The following DIS3L variants were observed in gnomAD, a reference collection of about 807,000 sequenced individuals.
DIS3L encodes the protein DIS3-like exonuclease 1.
DIS3L carries 100 observed loss-of-function variants against 120.3 expected under a neutral mutation model. The observed-to-expected ratio is 0.83, with a 90% CI of 0.71 to 0.98. The LOEUF is 0.98. Ranked by LOEUF, DIS3L falls within the 50% of genes least tolerant of loss-of-function variation. The pLI is 0.00. For synonymous variants in DIS3L, 426 were observed against 470.6 expected (o/e 0.91, Z 1.23); for missense variants, 1,196 against 1,314.2 (o/e 0.91, Z 1.39).
chr15:66,327,812 A>C (rs2092954618), intron 12 of DIS3L, among the ~76,000 whole-genome samples: 1 of 152,202 alleles, frequency 6.6e-6, no homozygotes, highest in Non-Finnish European at 1.5e-5. Flanking sequence ...CTGTAATCCT[A>C]GCACTTTGGG....
chr15:66,333,663 A>G lies in DIS3L; in HGVS notation c.*351A>G. The G allele has an allele frequency of 6.8e-6, 1 of 147,280 alleles. No individual in the cohort carries two copies. Among genetic ancestry groups the G allele is most frequent in the Non-Finnish European group, 1.4e-5 (1 of 71,388 alleles). 9.1% of individuals were successfully genotyped at this position (147,280 alleles called of 1,614,324 possible). A position where few individuals can be genotyped will look rare whatever the true frequency, so the allele number is the denominator to read the frequency against. On this transcript the variant is annotated 3_prime_UTR_variant, in exon 17 of 17. Transcript: ENST00000319212. ...AGAATTGCCTGAACCCAGGAAGAGG[A>G]GGTTGCAGTGAGCCGAGATCGCACC...
Position 66,296,821 on chromosome 15 carries a change from C to G in DIS3L, c.293+1680C>G, listed in dbSNP as rs556842837. 3.3e-5 allele frequency among the ~76,000 whole-genome samples: 5 copies of G among 152,276 alleles called. No homozygotes were observed. The South Asian group carries it at 1.0e-3, about 32-fold the overall frequency. ...ACAGGCATGAGCCACTGTGCCCGGC[C>G]CAAAATCAGTCTTAGTCCCTCTAAC... On this transcript the variant is annotated intron_variant, in intron 2 of 16. Transcript: ENST00000319212.
At position 66,333,241 on chromosome 15, in the gene DIS3L, A is replaced by T; in HGVS notation, c.3094A>T (p.Ser1032Cys). ...AGAATATCGCCAAACAAAGGGAAGG[A>T]GCCTATACACACTTCTAGAGGAGAT... ...YQEYRQTKGR[S>C]LYTLLEEIRD... is the part of the protein sequence containing the mutation. Residue 1032 changes from serine (S) to cysteine (C), a missense_variant, in exon 17 of 17, where the codon AGC (serine) becomes TGC (cysteine). Physicochemically the swap from Ser to Cys is moderately radical, Grantham distance 112 (BLOSUM62 -1). Transcript: ENST00000319212. 6.2e-7 allele frequency: 1 copy of T among 1,614,136 alleles called. No homozygotes were observed. The highest frequency in any genetic ancestry group is 8.5e-7 in the Non-Finnish European group (1 of 1,180,032).
At chr15:66,314,908 C>A in intron 6 of DIS3L, 128 bp from the exon 7 acceptor site, 1 of 977,950 alleles carries the variant, frequency 1.0e-6, no homozygotes, top group Non-Finnish European at 1.5e-6. Context: ...TTTGACTCTA[C>A]CTTTGAAAAG....
At chr15:66,326,465 AAG>A (rs771496260) in intron 12 of DIS3L, 101 bp downstream of exon 12, 2 of 1,287,490 alleles carry the variant, frequency 1.6e-6, no homozygotes, top group South Asian at 3.0e-5. Context: ...TTTGACCAAA[AAG>A]AGAAAACAGA....
intron 2 of DIS3L, among the ~76,000 whole-genome samples, chr15:66,300,823 A>T (rs2140325237): frequency 6.6e-6 from 1 of 152,338 alleles, no homozygotes; most frequent in East Asian, 1.9e-4. Flanking sequence ...GGCCGCACTG[A>T]CGCCAAATGG....
At chr15:66,330,314 C>T (rs2092987176) in intron 14 of DIS3L, 6 of 985,022 alleles carry the variant, frequency 6.1e-6, no homozygotes, top group South Asian at 4.7e-5. Context: ...AAAATCACAC[C>T]GTGCCTGCTG....
intron 4 of DIS3L, among the ~76,000 whole-genome samples, chr15:66,310,290 G>A (rs1282227085): frequency 3.3e-5 from 5 of 152,196 alleles, no homozygotes; most frequent in Non-Finnish European, 5.9e-5. Context: ...TAATGGCAGT[G>A]TCACTTGTTT....
At position 66,320,640 on chromosome 15, in the gene DIS3L, C is replaced by T. The variant is rs773245840; in HGVS notation, c.1234C>T (p.Arg412Cys). The T allele has an allele frequency of 1.6e-5, 26 of 1,613,782 alleles. No homozygotes were observed. Among genetic ancestry groups the T allele is most frequent in the Non-Finnish European group, 2.1e-5 (25 of 1,179,962 alleles). The change falls in exon 9 of 17, where the codon CGT becomes TGT. Residue 412 changes from arginine to cysteine, a missense_variant. Transcript: ENST00000319212. ...TSVYPNGHFVRVLGRIGDLEG... is the reference protein window; with the variant it reads ...TSVYPNGHFVCVLGRIGDLEG... ...TGTGTATCCAAATGGACATTTTGTG[C>T]GTGTTTTAGGAAGAATCGGAGATCT...
intron 8 of DIS3L, among the ~76,000 whole-genome samples, chr15:66,319,112 T>C (rs2092852982): frequency 6.6e-6 from 1 of 152,050 alleles, no homozygotes; most frequent in Non-Finnish European, 1.5e-5. Flanking sequence ...TTTTTAATTC[T>C]TTTTTTGTAG....
chr15:66,324,022 T>C (rs980166203), intron 11 of DIS3L, among the ~76,000 whole-genome samples: 1 of 152,204 alleles, frequency 6.6e-6, no homozygotes, highest in Non-Finnish European at 1.5e-5. Context: ...AGGCCCGAAC[T>C]CATATGTCCC....
rs1555401896 is a variant in DIS3L at position 66,309,094 on chromosome 15, A to AT, written c.558+250_558+251insT. On this transcript the variant is annotated intron_variant, in intron 4 of 16. Transcript: ENST00000319212. Reference sequence around the variant, plus strand: ...CTTGTCTCTACAGAAAAAAAAAAAAAATATATATATCTCCAAGCATGGTGG... The same window carrying AT: ...CTTGTCTCTACAGAAAAAAAAAAAAATATATATATATCTCCAAGCATGGTGG... Among the ~76,000 whole-genome samples the AT allele has an allele frequency of 3.4e-3, 52 of 15,316 alleles. 16 individuals carry two copies. Among genetic ancestry groups the AT allele is most frequent in the African/African-American group, 9.8e-3 (50 of 5,124 alleles). 10.0% of individuals were successfully genotyped at this position (15,316 alleles called of 152,430 possible).
intron 7 of DIS3L, 88 bp from the exon 8 acceptor site, chr15:66,318,361 G>A: frequency 7.0e-7 from 1 of 1,421,372 alleles, no homozygotes; most frequent in Non-Finnish European, 9.5e-7. Context: ...TGTATTTCTT[G>A]TTCTTTTCCT....
chr15:66,315,519 A>C (rs1479935429), intron 7 of DIS3L, among the ~76,000 whole-genome samples: 1 of 152,192 alleles, frequency 6.6e-6, no homozygotes, highest in Non-Finnish European at 1.5e-5. Context: ...AATACAGTAC[A>C]TTGTTATTAA....
chr15:66,327,180 G>A (rs1028403246), intron 12 of DIS3L, among the ~76,000 whole-genome samples: 3 of 151,816 alleles, frequency 2.0e-5, no homozygotes, highest in Admixed American at 1.3e-4. Flanking sequence ...CGCCCGTCTC[G>A]GTCTCCCAAA....
At chr15:66,305,215 T>C (rs562193250) in intron 2 of DIS3L, among the ~76,000 whole-genome samples, 131 of 151,932 alleles carry the variant, frequency 8.6e-4, no homozygotes, top group African/African-American at 3.1e-3. Flanking sequence ...TTAGCCAGGA[T>C]GGTCTCGATC....
intron 7 of DIS3L, 98 bp from the exon 8 acceptor site, chr15:66,318,351 T>C (rs1422975314): frequency 2.9e-6 from 4 of 1,357,564 alleles, no homozygotes; most frequent in South Asian, 1.5e-5. Flanking sequence ...AATAGGACAC[T>C]GTATTTCTTG....
chr15:66,322,826 T>A lies in DIS3L; in HGVS notation c.1466T>A (p.Leu489His), dbSNP rs1427857107. ...GGTTGTGAAGATGTGGATGACACAC[T>A]CTCAGTCAGAACCTTAAATAATGGC... ...PKGCEDVDDTLSVRTLNNGNL... is the reference protein window; with the variant it reads ...PKGCEDVDDTHSVRTLNNGNL... Residue 489 changes from leucine to histidine, a missense_variant, in exon 10 of 17, where the codon CTC (leucine) becomes CAC (histidine). Leu to His is a moderately conservative substitution (Grantham distance 99). Coordinates refer to ENST00000319212, the MANE Select transcript of DIS3L (RefSeq NM_001143688.3). 1 of 1,614,186 alleles carries A rather than the reference T, an allele frequency of 6.2e-7. No homozygotes were observed. Among genetic ancestry groups the A allele is most frequent in the African/African-American group, 1.3e-5 (1 of 75,054 alleles).
At chr15:66,312,116 G>C (rs546291757) in intron 5 of DIS3L, among the ~76,000 whole-genome samples, 1 of 151,900 alleles carries the variant, frequency 6.6e-6, no homozygotes, top group South Asian at 2.1e-4. Context: ...GTTGAGGCAG[G>C]AGGATCACTT....
Sources: allele counts gnomAD v4.1 joint callset (sites outside exome capture counted in the v4.1 genomes callset), GRCh38; gene constraint gnomAD v4.1.1; transcripts MANE v1.5; gene names NCBI Gene and HGNC (gene_info 2026-07-23, HGNC 2026-07-21).